Variants in DTX4 observed in about 807,000 individuals in gnomAD.
The protein encoded by DTX4 is deltex E3 ubiquitin ligase 4.
DTX4 carries 28 observed loss-of-function variants against 57.6 expected under a neutral mutation model. The ratio of observed to expected loss-of-function variants is 0.49; its 90% CI spans 0.36 to 0.67. The LOEUF (loss-of-function observed/expected upper bound fraction) is 0.67, where lower values mean the gene tolerates loss of function less well. Among genes scored for constraint, DTX4 ranks in the 30% least tolerant of loss-of-function variants. DTX4 has a pLI of 0.00. For missense variants in DTX4, 715 were observed against 836.8 expected (o/e 0.85, Z 1.80); for synonymous variants, 316 against 331.0 (o/e 0.95, Z 0.49).
chr11:59,183,703 G>A (rs1862493958), intron 2 of DTX4, among the ~76,000 whole-genome samples: 2 of 152,220 alleles, frequency 1.3e-5, no homozygotes, highest in South Asian at 4.1e-4. Context: ...GAGGAATGAA[G>A]GAGGGTACAC....
chr11:59,204,874 A>G lies in DTX4; in HGVS notation c.1825A>G (p.Ile609Val). 3 of 1,595,230 alleles carry G rather than the reference A, an allele frequency of 1.9e-6. No homozygotes were observed. Among genetic ancestry groups the G allele is most frequent in the East Asian group, 2.3e-5 (1 of 43,936 alleles). ...NVLAELAAQG[I>V]SEDSTAQEKD ...GCTGGCTGAACTGGCTGCCCAGGGC[A>G]TCTCTGAGGACAGCACTGCCCAGGA... The change falls in exon 9 of 9, where the codon ATC becomes GTC. Residue 609 changes from isoleucine (I) to valine (V), a missense_variant. By Grantham distance (29) the Ile-to-Val change is conservative. Coordinates refer to ENST00000227451, the MANE Select transcript of DTX4 (RefSeq NM_015177.2).
intron 7 of DTX4, among the ~76,000 whole-genome samples, chr11:59,195,834 G>C (rs1421203156): frequency 6.6e-6 from 1 of 152,238 alleles, no homozygotes; most frequent in African/African-American, 2.4e-5. Context: ...ATGCTGGAAT[G>C]AATAACCTTG....
chr11:59,181,897 A>G lies in DTX4; in HGVS notation c.370A>G (p.Ile124Val), dbSNP rs1319269448. Reference protein sequence around the residue: ...QHAYEKQHPWIDLTSIGFSYV... With the variant: ...QHAYEKQHPWVDLTSIGFSYV... ...TGCCTATGAGAAGCAGCACCCCTGG[A>G]TCGACCTCACTTCCATTGGCTTTAG... The change falls in exon 2 of 9, where the codon ATC becomes GTC. Residue 124 changes from isoleucine to valine, a missense_variant. Ile to Val is a conservative substitution (Grantham distance 29). Transcript: ENST00000227451. 1.2e-6 allele frequency: 2 copies of G among 1,613,952 alleles called. No homozygotes were observed. The highest frequency in any genetic ancestry group is 1.1e-5 in the South Asian group (1 of 91,080).
chr11:59,187,097 T>C (rs1198635424), intron 2 of DTX4, among the ~76,000 whole-genome samples: 1 of 152,222 alleles, frequency 6.6e-6, no homozygotes, highest in Non-Finnish European at 1.5e-5. Context: ...CCCCACTGCT[T>C]GGCATGGAGG....
At chr11:59,184,545 G>C (rs1862504884) in intron 2 of DTX4, among the ~76,000 whole-genome samples, 1 of 152,180 alleles carries the variant, frequency 6.6e-6, no homozygotes, top group Non-Finnish European at 1.5e-5. Flanking sequence ...GCTGAGTAGG[G>C]TCTGACATCC....
rs1313726146 is a variant in DTX4 at position 59,199,786 on chromosome 11, G to A, written c.1626+13G>A. The A allele has an allele frequency of 6.4e-6, 10 of 1,553,372 alleles. No individual in the cohort carries two copies. Among genetic ancestry groups the A allele is most frequent in the Non-Finnish European group, 8.7e-6 (10 of 1,147,464 alleles). ...GAAAGGGAGAAAAGTAAGACCGGAAGTTTCCACATAGAACTAGGTTTTAGA... is the reference window on the plus strand; with the variant it reads ...GAAAGGGAGAAAAGTAAGACCGGAAATTTCCACATAGAACTAGGTTTTAGA... On this transcript the variant is annotated intron_variant, in intron 8 of 8. Coordinates refer to ENST00000227451, the MANE Select transcript of DTX4 (RefSeq NM_015177.2).
rs1862832729 is a variant in DTX4, at chr11:59,207,785, A to G, written c.*2876A>G. The G allele has an allele frequency of 6.6e-6, 1 of 152,594 alleles. No individual in the cohort carries two copies. Among genetic ancestry groups the G allele is most frequent in the African/African-American group, 2.4e-5 (1 of 41,436 alleles). 9.5% of individuals were successfully genotyped at this position (152,594 alleles called of 1,614,324 possible). A position where few individuals can be genotyped will look rare whatever the true frequency, so the allele number is the denominator to read the frequency against. ...TTGGATTGGAGACAAACCTCGTCAG[A>G]TGCTCATCCCCTAAAAGGTTAATTG... On this transcript the variant is annotated 3_prime_UTR_variant, in exon 9 of 9. Coordinates refer to ENST00000227451, the MANE Select transcript of DTX4 (RefSeq NM_015177.2).
chr11:59,188,956 G>T (rs1238983368), intron 3 of DTX4, among the ~76,000 whole-genome samples, 160 bp downstream of exon 3: 1 of 152,254 alleles, frequency 6.6e-6, no homozygotes, highest in African/African-American at 2.4e-5. Context: ...GTTTGGAAGA[G>T]AACTGATTAC....
rs1024014115 is a variant in DTX4, at chr11:59,206,696, T to TAGTCGATTCACCTGCCTGTC, written c.*1809_*1828dup. On this transcript the variant is annotated 3_prime_UTR_variant, in exon 9 of 9. Transcript: ENST00000227451. ...CCAGCCATTTTGACATTGGGGTGGA[T>TAGTCGATTCACCTGCCTGTC]AGTCGATTCACCTGCCTGTCAGTCG... 3 of 152,544 alleles carry TAGTCGATTCACCTGCCTGTC rather than the reference T, an allele frequency of 2.0e-5. No homozygotes were observed. The highest frequency in any genetic ancestry group is 2.9e-5 in the Non-Finnish European group (2 of 68,018). The allele number at this position is 152,544 out of a possible 1,614,324, so 9.4% of individuals were successfully genotyped here.
At chr11:59,198,371 A>T (rs959650271) in intron 7 of DTX4, among the ~76,000 whole-genome samples, 2 of 152,210 alleles carry the variant, frequency 1.3e-5, no homozygotes, top group African/African-American at 4.8e-5. Context: ...GGCCATGGGA[A>T]GGTTGTAAAT....
intron 1 of DTX4, among the ~76,000 whole-genome samples, chr11:59,177,954 ACT>A (rs1217077426): frequency 1.3e-5 from 2 of 152,170 alleles, no homozygotes; most frequent in Non-Finnish European, 2.9e-5. Flanking sequence ...CATGGTACTC[ACT>A]CTCTAGTGAA....
intron 6 of DTX4, 28 bp downstream of exon 6, chr11:59,192,278 C>T: frequency 6.2e-7 from 1 of 1,610,100 alleles, no homozygotes; most frequent in South Asian, 1.1e-5. Context: ...GGGCTCCTGC[C>T]ACCCTTCACA....
At chr11:59,192,378 G>A in intron 6 of DTX4, 128 bp downstream of exon 6, 2 of 1,117,878 alleles carry the variant, frequency 1.8e-6, no homozygotes, top group East Asian at 2.4e-5. Context: ...CTAGGCAAGA[G>A]TGATGATCTT....
rs899495489 is a variant in DTX4 at position 59,189,758 on chromosome 11, A to G, written c.1159+435A>G. Among the ~76,000 whole-genome samples, 8 of 152,304 alleles carry G rather than the reference A, an allele frequency of 5.3e-5. No homozygotes were observed. In the East Asian group the frequency reaches 1.5e-3, roughly 29 times the overall value. On this transcript the variant is annotated intron_variant, in intron 4 of 8. Coordinates refer to ENST00000227451, the MANE Select transcript of DTX4 (RefSeq NM_015177.2). ...CTGGTATCCAGCAGGTATATCCTGG[A>G]ATGCATCCATGACAGTTAGGAAGTA... is the stretch of plus-strand genomic sequence containing the variant.
chr11:59,202,477 T>C (rs910393632), intron 8 of DTX4, among the ~76,000 whole-genome samples: 1 of 152,260 alleles, frequency 6.6e-6, no homozygotes, highest in Non-Finnish European at 1.5e-5. Context: ...ACAGCAATTG[T>C]AATTTATCCA....
At chr11:59,189,354 G>T in intron 4 of DTX4, 31 bp downstream of exon 4, 2 of 1,502,206 alleles carry the variant, frequency 1.3e-6, no homozygotes, top group Non-Finnish European at 1.8e-6. Flanking sequence ...GGGGTACTGA[G>T]AGTCAAAGAC....
chr11:59,191,094 T>A lies in DTX4; in HGVS notation c.1160-20T>A, dbSNP rs1465383227. 1.3e-6 allele frequency: 2 copies of A among 1,562,432 alleles called. No individual in the cohort carries two copies. The highest frequency in any genetic ancestry group is 1.7e-6 in the Non-Finnish European group (2 of 1,153,082). ...TCTTACCTCTGCCTTGGTGGCCCAC[T>A]GAACCTCCTGTCTCTGCAGGTAAAA... On this transcript the variant is annotated intron_variant, in intron 4 of 8. Coordinates refer to ENST00000227451, the MANE Select transcript of DTX4 (RefSeq NM_015177.2).
chr11:59,183,651 T>C (rs1250461363), intron 2 of DTX4, among the ~76,000 whole-genome samples: 2 of 152,124 alleles, frequency 1.3e-5, no homozygotes, highest in Non-Finnish European at 2.9e-5. Context: ...GTGGTTTTGG[T>C]ACTCAGCTGG....
intron 8 of DTX4, 110 bp from the exon 9 acceptor site, chr11:59,204,566 T>A (rs1862779981): frequency 9.8e-7 from 1 of 1,017,634 alleles, no homozygotes; most frequent in Admixed American, 2.1e-5. Context: ...GCTTAGGGTA[T>A]CATGATGCAG....
Sources: allele counts gnomAD v4.1 joint callset (sites outside exome capture counted in the v4.1 genomes callset), GRCh38; gene constraint gnomAD v4.1.1; transcripts MANE v1.5; gene names NCBI Gene and HGNC (gene_info 2026-07-23, HGNC 2026-07-21).